Variants in GPLD1 observed in about 807,000 individuals in gnomAD.
GPLD1 encodes the protein glycosylphosphatidylinositol specific phospholipase D1.
Under a neutral mutation model 112.6 loss-of-function variants are expected in GPLD1, and 84 were observed. The observed-to-expected ratio is 0.75, with a 90% CI of 0.63 to 0.89. The LOEUF (loss-of-function observed/expected upper bound fraction) is 0.89, where lower values mean the gene tolerates loss of function less well. Among genes scored for constraint, GPLD1 ranks in the 40% least tolerant of loss-of-function variants. The pLI, the probability that GPLD1 is intolerant of heterozygous loss-of-function variation, is 0.00. For synonymous variants in GPLD1, 386 were observed against 403.8 expected, an observed-to-expected ratio of 0.96 and a Z score of 0.53; for missense variants, 1,044 against 1,051.5, an observed-to-expected ratio of 0.99 and a Z score of 0.10.
chr6:24,447,713 C>G (rs757990265), intron 17 of GPLD1, among the ~76,000 whole-genome samples, 164 bp downstream of exon 17: 6 of 152,122 alleles, frequency 3.9e-5, no homozygotes, highest in Non-Finnish European at 7.3e-5. Context: ...TTCAGTGAAT[C>G]TATGCACATC....
chr6:24,478,205 G>T (rs9393559), intron 3 of GPLD1, among the ~76,000 whole-genome samples: 6 of 152,056 alleles, frequency 3.9e-5, no homozygotes, highest in African/African-American at 1.4e-4. Flanking sequence ...CATGAATACA[G>T]TTTGGGAAGT....
intron 15 of GPLD1, 134 bp from the exon 16 acceptor site, chr6:24,448,342 G>T: frequency 2.6e-6 from 1 of 386,342 alleles, no homozygotes; most frequent in Non-Finnish European, 5.0e-6. Context: ...TGCTTTGGGA[G>T]GCCCAAGTGG....
In GPLD1 at chr6:24,461,115, T is replaced by C. The variant is rs527368755; in HGVS notation, c.888-716A>G. On this transcript the variant is annotated intron_variant, in intron 11 of 24. Coordinates refer to ENST00000230036, the MANE Select transcript of GPLD1 (RefSeq NM_001503.4). ...AAAAATACATTTTCACATTCAAAGA[T>C]GTCAACCAGCCAAAAAGCAGATGAC... Among the ~76,000 whole-genome samples the C allele has an allele frequency of 2.6e-5, 4 of 152,252 alleles. No homozygotes were observed. In the South Asian group the frequency reaches 8.3e-4, roughly 32 times the overall value.
intron 3 of GPLD1, among the ~76,000 whole-genome samples, chr6:24,477,306 T>C (rs551830379): frequency 6.7e-6 from 1 of 149,648 alleles, no homozygotes; most frequent in South Asian, 2.2e-4. Context: ...GACTTGAACT[T>C]ACCTGTCTAT....
Position 24,448,029 on chromosome 6 carries a change from A to T in GPLD1, c.1526T>A (p.Ile509Asn). The stretch of plus-strand genomic sequence containing the variant: ...GAGAGTCCAGCCCAAGTTACAGTAG[A>T]TGTCCTTAAGAAGAAACCAGGAAAG... ...SPNITISCQD[I>N]YCNLGWTLLA... Residue 509 changes from isoleucine (I) to asparagine (N), a missense_variant, in exon 17 of 25, where the codon ATC becomes AAC. Ile to Asn is a moderately radical substitution (Grantham distance 149, BLOSUM62 -3). Transcript: ENST00000230036. 6.2e-7 allele frequency: 1 copy of T among 1,613,694 alleles called. No individual in the cohort carries two copies. The highest frequency in any genetic ancestry group is 8.5e-7 in the Non-Finnish European group (1 of 1,179,922).
rs1487716763 is a variant in GPLD1, at chr6:24,426,321, A to G, written c.*2711T>C. On this transcript the variant is annotated 3_prime_UTR_variant, in exon 25 of 25. Transcript: ENST00000230036. ...ACTTAGTGGAAAGAAAATTTAATCC[A>G]TGTATCAGGATAATATATTAGACTG... The G allele has an allele frequency of 6.6e-6, 1 of 152,232 alleles. No homozygotes were observed. The highest frequency in any genetic ancestry group is 1.5e-5 in the Non-Finnish European group (1 of 68,044). 9.4% of individuals were successfully genotyped at this position (152,232 alleles called of 1,614,324 possible). A position where few individuals can be genotyped will look rare whatever the true frequency, so the allele number is the denominator to read the frequency against.
Position 24,454,065 on chromosome 6 carries a change from C to G in GPLD1, c.1285G>C (p.Val429Leu), listed in dbSNP as rs778257039. ...GCCTCCTTGTCCAGGTCCAGGTCAACAGGTGGCAGGCCCAGGTCATTGCCG... is the reference window on the plus strand; with the variant it reads ...GCCTCCTTGTCCAGGTCCAGGTCAAGAGGTGGCAGGCCCAGGTCATTGCCG... ...IYGNDLGLPP[V>L]DLDLDKEAHR... The change falls in exon 14 of 25, where the codon GTT becomes CTT. Residue 429 changes from valine (V) to leucine (L), a missense_variant. Physicochemically the swap from Val to Leu is conservative, Grantham distance 32 (BLOSUM62 1). Coordinates refer to ENST00000230036, the MANE Select transcript of GPLD1 (RefSeq NM_001503.4). The G allele has an allele frequency of 6.2e-7, 1 of 1,613,304 alleles. No individual in the cohort carries two copies. Among genetic ancestry groups the G allele is most frequent in the Non-Finnish European group, 8.5e-7 (1 of 1,179,434 alleles).
In GPLD1 at chr6:24,448,167, C is replaced by T. The variant is rs1762972597; in HGVS notation, c.1488G>A (p.Met496Ile). 1.2e-6 allele frequency: 2 copies of T among 1,610,706 alleles called. No individual in the cohort carries two copies. Among genetic ancestry groups the T allele is most frequent in the African/African-American group, 2.7e-5 (2 of 73,674 alleles). ...AAATGGTGATGTTAGGGGAAGAAGA[C>T]ATTCCTCCTTGTTTGGAACCAAAGT... is the stretch of plus-strand genomic sequence containing the variant. Reference protein sequence around the residue: ...YVYFGSKQGGMSSSPNITISC... With the variant: ...YVYFGSKQGGISSSPNITISC... Residue 496 changes from methionine (M) to isoleucine (I), a missense_variant, in exon 16 of 25, where the codon ATG becomes ATA. Transcript: ENST00000230036.
chr6:24,444,071 T>C (rs1368769486), intron 20 of GPLD1, among the ~76,000 whole-genome samples: 1 of 152,210 alleles, frequency 6.6e-6, no homozygotes, highest in African/African-American at 2.4e-5. Context: ...ACAAGAGCTT[T>C]TAGAAAGATT....
rs1477323189 is a variant in GPLD1 at position 24,427,023 on chromosome 6, C to A, written c.*2009G>T. Among the ~76,000 whole-genome samples the A allele has an allele frequency of 6.6e-6, 1 of 151,526 alleles. No individual in the cohort carries two copies. Among genetic ancestry groups the A allele is most frequent in the African/African-American group, 2.5e-5 (1 of 40,810 alleles). ...CTCTTCCTGTCCCCTTTTCACCAGT[C>A]TCTACTCTTGAGAGAAGCTGAGAAG... On this transcript the variant is annotated 3_prime_UTR_variant, in exon 25 of 25. Transcript: ENST00000230036.
At position 24,427,966 on chromosome 6, in the gene GPLD1, A is replaced by G. The variant is rs924482610; in HGVS notation, c.*1066T>C. Among the ~76,000 whole-genome samples, 1 of 152,060 alleles carries G rather than the reference A, an allele frequency of 6.6e-6. No individual in the cohort carries two copies. Among genetic ancestry groups the G allele is most frequent in the Non-Finnish European group, 1.5e-5 (1 of 68,026 alleles). The stretch of plus-strand genomic sequence containing the variant: ...AGTGGGTGCTAAGTTAAAAGAACTT[A>G]TGAACACAAAACAACACACACTGGG... On this transcript the variant is annotated 3_prime_UTR_variant, in exon 25 of 25. Coordinates refer to ENST00000230036, the MANE Select transcript of GPLD1 (RefSeq NM_001503.4).
At chr6:24,494,804 G>GGCGGCGCGGCGGTGCAGCGA in intron 1 of GPLD1, 1 of 573,168 alleles carries the variant, frequency 1.7e-6, no homozygotes, top group East Asian at 3.7e-5. Context: ...AGGTGCAGAG[G>GGCGGCGCGGCGGTGCAGCGA]GCGGCGCGGC....
At chr6:24,456,436 GA>G in intron 13 of GPLD1, 61 bp downstream of exon 13, 1 of 1,056,252 alleles carries the variant, frequency 9.5e-7, no homozygotes, top group Non-Finnish European at 1.4e-6. Context: ...AACAGTTGCA[GA>G]ATGATTGAAT....
At chr6:24,439,232 G>A (rs1037202428) in intron 20 of GPLD1, among the ~76,000 whole-genome samples, 11 of 152,292 alleles carry the variant, frequency 7.2e-5, no homozygotes, top group African/African-American at 2.6e-4. Context: ...TGGCTCTGCC[G>A]CCCACAGGAT....
chr6:24,436,524 A>T, intron 22 of GPLD1, 52 bp downstream of exon 22: 1 of 1,484,290 alleles, frequency 6.7e-7, no homozygotes, highest in African/African-American at 1.4e-5. Context: ...ACAAGGAATC[A>T]GCAATTAGTG....
intron 21 of GPLD1, 87 bp downstream of exon 21, chr6:24,437,026 G>C: frequency 8.3e-7 from 1 of 1,199,764 alleles, no homozygotes. Flanking sequence ...TCAATTATAA[G>C]GGCAGAGCCC....
intron 7 of GPLD1, among the ~76,000 whole-genome samples, chr6:24,470,096 C>G (rs1763749777): frequency 6.6e-6 from 1 of 151,982 alleles, no homozygotes; most frequent in African/African-American, 2.4e-5. Context: ...GTGTGCCACA[C>G]CCTACACGTT....
At chr6:24,465,643 G>A (rs188946012) in intron 10 of GPLD1, among the ~76,000 whole-genome samples, 18 of 152,214 alleles carry the variant, frequency 1.2e-4, no homozygotes, top group African/African-American at 4.3e-4. Context: ...GGTAGTGTAA[G>A]ACTCTGTGAG....
chr6:24,449,967 A>C (rs1763028186), intron 14 of GPLD1, 68 bp from the exon 15 acceptor site: 16 of 1,121,920 alleles, frequency 1.4e-5, no homozygotes, highest in Middle Eastern at 2.0e-4. Flanking sequence ...CCTGACCCCC[A>C]GGGAGTAGAG....
Sources: gnomAD v4.1 joint callset for allele counts (sites outside exome capture counted in the v4.1 genomes callset) on GRCh38, gnomAD v4.1.1 for gene constraint, MANE v1.5 for transcripts, NCBI Gene and HGNC (gene_info 2026-07-23, HGNC 2026-07-21) for gene names.